DUS1L: variants seen among roughly 807,000 people sequenced by gnomAD.
DUS1L encodes the protein dihydrouridine synthase 1 like.
In DUS1L, 56 loss-of-function variants were observed where a neutral mutation model predicts 61.2. The observed-to-expected ratio is 0.92, with a 90% CI of 0.74 to 1.14. The LOEUF is 1.14. DUS1L is among the 50% of genes most tolerant of loss of function. The probability of loss-of-function intolerance (pLI) is 0.00; values close to 1 mark genes in which losing one functional copy is unlikely to be tolerated. For missense variants in DUS1L, 630 were observed against 632.4 expected (o/e 1.00, Z 0.04); for synonymous variants, 278 against 259.5 (o/e 1.07, Z -0.69).
chr17:82,061,596 T>TGCTGTCCTGGGCCCTGCCC (rs774057441), intron 7 of DUS1L, 22 bp downstream of exon 7: 4 of 1,600,138 alleles, frequency 2.5e-6, no homozygotes, highest in African/African-American at 2.7e-5. Flanking sequence ...GGGCCCTGGC[T>TGCTGTCCTGGGCCCTGCCC]GCTGTCCTGG....
chr17:82,065,329 G>A (rs1598562859), intron 1 of DUS1L: 2 of 456,214 alleles, frequency 4.4e-6, no homozygotes, highest in South Asian at 4.2e-5. Context: ...GCCTGGTAGG[G>A]GACTGGCGTG....
intron 11 of DUS1L, chr17:82,059,686 C>T (rs901637239): frequency 3.9e-6 from 2 of 516,788 alleles, no homozygotes; most frequent in African/African-American, 3.8e-5. Flanking sequence ...TGTAGACGAG[C>T]TTCACCTGGC....
Position 82,064,207 on chromosome 17 carries a change from C to T in DUS1L, c.265G>A (p.Val89Ile), listed in dbSNP as rs1373430962. 6.2e-7 allele frequency: 1 copy of T among 1,612,242 alleles called. No homozygotes were observed. Among genetic ancestry groups the T allele is most frequent in the South Asian group, 1.1e-5 (1 of 91,028 alleles). ...QFCANDPEVF[V>I]QAALLAQDYC... ...TCCTGAGCCAGGAGAGCCGCCTGAACAAACACCTCCGGGTCATTGGCACAG... is the reference window on the plus strand; with the variant it reads ...TCCTGAGCCAGGAGAGCCGCCTGAATAAACACCTCCGGGTCATTGGCACAG... Residue 89 changes from valine to isoleucine, a missense_variant, in exon 3 of 14, where the codon GTT becomes ATT. Physicochemically the swap from Val to Ile is conservative, Grantham distance 29 (BLOSUM62 3). Transcript: ENST00000306796.
At chr17:82,061,460 C>G in intron 7 of DUS1L, 107 bp from the exon 8 acceptor site, 1 of 1,483,616 alleles carries the variant, frequency 6.7e-7, no homozygotes, top group South Asian at 1.3e-5. Context: ...TCACAAGGGA[C>G]AAGGCCAGCT....
intron 13 of DUS1L, 30 bp from the exon 14 acceptor site, chr17:82,058,284 T>A: frequency 1.1e-5 from 17 of 1,545,732 alleles, no homozygotes; most frequent in Non-Finnish European, 1.5e-5. Flanking sequence ...GAGTCGGGGG[T>A]CAGGAGGCGG....
In DUS1L at chr17:82,063,026, G is replaced by A. The variant is rs183308360; in HGVS notation, c.398-53C>T. ...GGGGCCATGGTGTTCCCACTTTAGC[G>A]GCCAAGCCCCAGAGCCCAGGGCCCT... On this transcript the variant is annotated intron_variant, in intron 4 of 13. Transcript: ENST00000306796. 189 of 1,505,088 alleles carry A rather than the reference G, an allele frequency of 1.3e-4. No homozygotes were observed. In the African/African-American group the frequency reaches 1.7e-3, roughly 14 times the overall value. 93.2% of individuals were successfully genotyped at this position (1,505,088 alleles called of 1,614,324 possible). A position where few individuals can be genotyped will look rare whatever the true frequency, so the allele number is the denominator to read the frequency against.
rs1334223753 is a variant in DUS1L at position 82,060,777 on chromosome 17, TCTC to T, written c.943_945del (p.Glu315del). The T allele has an allele frequency of 7.4e-6, 12 of 1,612,332 alleles. No homozygotes were observed. The highest frequency in any genetic ancestry group is 1.0e-5 in the Non-Finnish European group (12 of 1,179,648). On this transcript the variant is annotated inframe_deletion, in exon 10 of 14. Coordinates refer to ENST00000306796, the MANE Select transcript of DUS1L (RefSeq NM_022156.5). The stretch of plus-strand genomic sequence containing the variant: ...GGCTTCGCTCCCTCCTGCCTGGATA[TCTC>T]CTCCTGCAAAAGCCCAAGGCCCTGG...
chr17:82,059,308 C>T, intron 11 of DUS1L: 1 of 180,526 alleles, frequency 5.5e-6, no homozygotes, highest in East Asian at 1.4e-4. Flanking sequence ...CTGGCACCAG[C>T]CTGATGTGGC....
chr17:82,058,931 C>A, intron 11 of DUS1L, 113 bp from the exon 12 acceptor site: 2 of 1,010,420 alleles, frequency 2.0e-6, no homozygotes, highest in East Asian at 2.4e-5. Flanking sequence ...CAGCTGTGGC[C>A]AGCCAGGCCA....
Position 82,061,343 on chromosome 17 carries a change from C to T in DUS1L, c.708G>A (p.Leu236=), listed in dbSNP as rs111383728. ...VQGVMSAEGN[L]HNPALFEGRS... ...GGCCCTCGAACAGGGCGGGGTTGTG[C>T]AGGTTGCCCTCTGTGGGAGGAGGAG... Residue 236 remains leucine (L), a synonymous_variant, in exon 8 of 14, where the codon CTG becomes CTA. Transcript: ENST00000306796. 1.5e-3 allele frequency: 2,351 copies of T among 1,578,524 alleles called. 27 individuals carry two copies. In the African/African-American group the frequency reaches 0.027, roughly 18 times the overall value.
Position 82,059,987 on chromosome 17 carries a change from G to A in DUS1L, c.1129C>T (p.Leu377=), listed in dbSNP as rs143653555. ...VLSKNKQKKQ[L]RNPHKTFDPS... ...TCGAAGGTCTTGTGGGGGTTCCTCA[G>A]CTGCTTCTTTTGCTTGTTCTTGGAC... Residue 377 remains leucine (L), a synonymous_variant, in exon 11 of 14, where the codon CTG becomes TTG. Coordinates refer to ENST00000306796, the MANE Select transcript of DUS1L (RefSeq NM_022156.5). The A allele has an allele frequency of 5.1e-5, 82 of 1,613,872 alleles. No homozygotes were observed. The highest frequency in any genetic ancestry group is 6.7e-5 in the Admixed American group (4 of 60,000).
At chr17:82,058,482 G>A (rs776148682) in intron 12 of DUS1L, 66 bp from the exon 13 acceptor site, 4 of 1,472,018 alleles carry the variant, frequency 2.7e-6, no homozygotes, top group Non-Finnish European at 2.7e-6. Flanking sequence ...GGCCAGCAGG[G>A]GAGCAGCCCC....
At chr17:82,065,501 G>C (rs1299109811) in intron 1 of DUS1L, 112 bp downstream of exon 1, 1 of 161,808 alleles carries the variant, frequency 6.2e-6, no homozygotes, top group Non-Finnish European at 1.3e-5. Flanking sequence ...CAGGCGGCCC[G>C]GCTGGCCCGA....
At chr17:82,062,747 T>C in intron 5 of DUS1L, 114 bp downstream of exon 5, 1 of 890,610 alleles carries the variant, frequency 1.1e-6, no homozygotes, top group Non-Finnish European at 1.8e-6. Flanking sequence ...GGAGGGCCAC[T>C]GCCCCCATGA....
In DUS1L at chr17:82,057,959, A is replaced by C; in HGVS notation, c.*156T>G. 1 of 906,764 alleles carries C rather than the reference A, an allele frequency of 1.1e-6. No individual in the cohort carries two copies. Among genetic ancestry groups the C allele is most frequent in the Non-Finnish European group, 1.6e-6 (1 of 640,476 alleles). The allele number at this position is 906,764 out of a possible 1,614,324, so 56.2% of individuals were successfully genotyped here. A position where few individuals can be genotyped will look rare whatever the true frequency, so the allele number is the denominator to read the frequency against. ...AGGTCCAGCCTGGGGCCTGCTCCCC[A>C]CTGCAGCATTTCCAGGCCCCCAGAG... On this transcript the variant is annotated 3_prime_UTR_variant, in exon 14 of 14. Transcript: ENST00000306796.
Position 82,065,019 on chromosome 17 carries a change from A to C in DUS1L, c.41T>G (p.Leu14Arg). 2 of 1,609,186 alleles carry C rather than the reference A, an allele frequency of 1.2e-6. No individual in the cohort carries two copies. The highest frequency in any genetic ancestry group is 1.7e-6 in the Non-Finnish European group (2 of 1,177,676). The part of the protein sequence containing the change: ...LQGFEFWSRT[L>R]RGARHVVAPM... ...GGCCACGACGTGGCGGGCCCCTCGC[A>C]GGGTGCGGCTCCAGAACTCGAAGCC... Residue 14 changes from leucine (L) to arginine (R), a missense_variant, in exon 2 of 14, where the codon CTG becomes CGG. Coordinates refer to ENST00000306796, the MANE Select transcript of DUS1L (RefSeq NM_022156.5).
At chr17:82,060,807 C>T (rs748559424) in intron 9 of DUS1L, 24 bp from the exon 10 acceptor site, 1 of 1,611,652 alleles carries the variant, frequency 6.2e-7, no homozygotes, top group Admixed American at 1.7e-5. Context: ...AGGCCCTGGT[C>T]ATGGCCCCAG....
chr17:82,058,931 C>T, intron 11 of DUS1L, 113 bp from the exon 12 acceptor site: 6 of 1,010,418 alleles, frequency 5.9e-6, no homozygotes, highest in Non-Finnish European at 9.3e-6. Flanking sequence ...CAGCTGTGGC[C>T]AGCCAGGCCA....
chr17:82,059,947 C>A lies in DUS1L; in HGVS notation c.1168+1G>T. On this transcript the variant is annotated splice_donor_variant, in intron 11 of 13. Coordinates refer to ENST00000306796, the MANE Select transcript of DUS1L (RefSeq NM_022156.5). LOFTEE classifies it high-confidence loss of function. ...GGCCCATCAGCGGAAGCAGCACTTA[C>A]GCTTCAGAGAGGGGTCGAAGGTCTT... is the stretch of plus-strand genomic sequence containing the variant. 1.9e-6 allele frequency: 3 copies of A among 1,613,928 alleles called. No individual in the cohort carries two copies. The highest frequency in any genetic ancestry group is 1.3e-5 in the African/African-American group (1 of 75,044).
Sources: allele counts gnomAD v4.1 joint callset, GRCh38; gene constraint gnomAD v4.1.1; transcripts MANE v1.5; gene names NCBI Gene and HGNC (gene_info 2026-07-23, HGNC 2026-07-21).